The following MICU2 variants were observed in gnomAD, a reference collection of about 807,000 sequenced individuals.
The protein encoded by MICU2 is mitochondrial calcium uptake 2.
In MICU2, 64 loss-of-function variants were observed where a neutral mutation model predicts 60.4. The observed-to-expected ratio is 1.06, with a 90% confidence interval of 0.87 to 1.31. The LOEUF (loss-of-function observed/expected upper bound fraction) is 1.31. MICU2 is among the 50% of genes most tolerant of loss of function. The probability of loss-of-function intolerance (pLI) is 0.00; values close to 1 mark genes in which losing one functional copy is unlikely to be tolerated. For missense variants in MICU2, 569 were observed against 531.0 expected (o/e 1.07, Z -0.70); for synonymous variants, 201 against 175.0 (o/e 1.15, Z -1.17).
chr13:21,542,529 A>G (rs532162180), intron 2 of MICU2, among the ~76,000 whole-genome samples: 1 of 152,268 alleles, frequency 6.6e-6, no homozygotes, highest in South Asian at 2.1e-4. Flanking sequence ...CAGCTATTTG[A>G]TATGTATTCA....
At chr13:21,528,629 TA>T (rs1345905244) in intron 4 of MICU2, among the ~76,000 whole-genome samples, 1 of 152,222 alleles carries the variant, frequency 6.6e-6, no homozygotes, top group East Asian at 1.9e-4. Flanking sequence ...AACAATTTAT[TA>T]AGCATATACC....
At chr13:21,493,659 A>G (rs1264104106) in intron 11 of MICU2, among the ~76,000 whole-genome samples, 3 of 152,032 alleles carry the variant, frequency 2.0e-5, no homozygotes, top group Non-Finnish European at 4.4e-5. Flanking sequence ...TTTAAAATTT[A>G]ATTACTTTAT....
intron 2 of MICU2, among the ~76,000 whole-genome samples, chr13:21,545,894 CTG>C (rs1479638272): frequency 6.6e-6 from 1 of 152,250 alleles, no homozygotes; most frequent in Non-Finnish European, 1.5e-5. Flanking sequence ...AAGGAGGAAA[CTG>C]AATGTTCTCA....
chr13:21,576,470 C>T (rs1261969920), intron 1 of MICU2, among the ~76,000 whole-genome samples: 1 of 152,068 alleles, frequency 6.6e-6, no homozygotes, highest in Non-Finnish European at 1.5e-5. Context: ...GATATTATAT[C>T]CTATAATATA....
intron 1 of MICU2, among the ~76,000 whole-genome samples, chr13:21,580,942 C>T (rs1888334514): frequency 1.3e-5 from 2 of 152,000 alleles, no homozygotes; most frequent in Non-Finnish European, 2.9e-5. Context: ...ACAGGGCTAA[C>T]TGGGTTAGAA....
At chr13:21,575,311 G>A (rs1471384525) in intron 1 of MICU2, among the ~76,000 whole-genome samples, 2 of 151,738 alleles carry the variant, frequency 1.3e-5, no homozygotes, top group Non-Finnish European at 2.9e-5. Flanking sequence ...ATAACTGAAC[G>A]GAATACTCAT....
chr13:21,514,152 T>C (rs1342457929), intron 7 of MICU2, among the ~76,000 whole-genome samples: 1 of 152,218 alleles, frequency 6.6e-6, no homozygotes, highest in Non-Finnish European at 1.5e-5. Flanking sequence ...ACCACACACC[T>C]CTGCCATAAA....
At chr13:21,558,276 C>T (rs9552451) in intron 2 of MICU2, among the ~76,000 whole-genome samples, 34,072 of 151,962 alleles carry the variant, frequency 0.22, 4,738 homozygotes, top group East Asian at 0.66. Flanking sequence ...ATTTGGGCAG[C>T]ACTCTAGTTT....
intron 2 of MICU2, among the ~76,000 whole-genome samples, chr13:21,540,972 T>A (rs1165023119): frequency 3.9e-5 from 6 of 152,164 alleles, no homozygotes; most frequent in Non-Finnish European, 7.4e-5. Context: ...ATTATTTCTA[T>A]GCTTGTCCTA....
At chr13:21,587,296 A>AT (rs959410452) in intron 1 of MICU2, among the ~76,000 whole-genome samples, 1 of 152,228 alleles carries the variant, frequency 6.6e-6, no homozygotes, top group African/African-American at 2.4e-5. Context: ...AAGCCACAAA[A>AT]TTATCTCCCC....
rs1204360970 is a variant in MICU2 at position 21,603,995 on chromosome 13, G to T, written c.154C>A (p.His52Asn). 1.2e-6 allele frequency: 2 copies of T among 1,611,602 alleles called. No homozygotes were observed. The highest frequency in any genetic ancestry group is 1.7e-6 in the Non-Finnish European group (2 of 1,179,498). ...AALAGAGAAW[H>N]HSRVSVAARD... ...GCCGCAACACTGACGCGGCTGTGGT[G>T]CCAGGCCGCTCCTGCTCCTGCCAGG... is the stretch of plus-strand genomic sequence containing the variant. The change falls in exon 1 of 12, where the codon CAC becomes AAC. Residue 52 changes from histidine (H) to asparagine (N), a missense_variant. Transcript: ENST00000382374.
intron 6 of MICU2, among the ~76,000 whole-genome samples, chr13:21,520,668 T>TC (rs200480070): frequency 0.021 from 3,193 of 151,896 alleles, 59 homozygotes; most frequent in Non-Finnish European, 0.036. Context: ...TTGTTTTTTT[T>TC]TTTTAATATT....
intron 4 of MICU2, among the ~76,000 whole-genome samples, chr13:21,529,868 T>C (rs1886944363): frequency 1.3e-5 from 2 of 152,184 alleles, no homozygotes; most frequent in South Asian, 4.1e-4. Context: ...CCAGCTAGAA[T>C]GTGGTACAGT....
chr13:21,596,129 G>A (rs941105291), intron 1 of MICU2, among the ~76,000 whole-genome samples: 3 of 152,158 alleles, frequency 2.0e-5, no homozygotes, highest in Admixed American at 6.5e-5. Flanking sequence ...CATTCTCCAC[G>A]TCTCCTCTTT....
chr13:21,549,903 A>C lies in MICU2; in HGVS notation c.359-10215T>G, dbSNP rs550657478. Among the ~76,000 whole-genome samples the C allele has an allele frequency of 2.1e-4, 32 of 152,330 alleles. 1 individual carries two copies. In the South Asian group the frequency reaches 3.9e-3, roughly 19 times the overall value. Reference sequence around the variant, plus strand: ...TTTTGCTTACAGTTGGCTAATTATTAAGAAGTTAACAGAGGTTTAAGCTGT... The same window carrying C: ...TTTTGCTTACAGTTGGCTAATTATTCAGAAGTTAACAGAGGTTTAAGCTGT... On this transcript the variant is annotated intron_variant, in intron 2 of 11. Transcript: ENST00000382374.
intron 4 of MICU2, among the ~76,000 whole-genome samples, chr13:21,526,113 C>CTTT (rs34999871): frequency 2.1e-4 from 23 of 110,582 alleles, no homozygotes; most frequent in Non-Finnish European, 3.4e-4. Flanking sequence ...AATTAAAATA[C>CTTT]TTTTTTTTTT....
At chr13:21,579,524 T>C (rs1888301965) in intron 1 of MICU2, among the ~76,000 whole-genome samples, 1 of 152,110 alleles carries the variant, frequency 6.6e-6, no homozygotes, top group Non-Finnish European at 1.5e-5. Context: ...GTATTTTTAG[T>C]AGAGAAGTGG....
At chr13:21,580,711 T>A (rs1219823653) in intron 1 of MICU2, among the ~76,000 whole-genome samples, 3 of 151,788 alleles carry the variant, frequency 2.0e-5, no homozygotes, top group Non-Finnish European at 4.4e-5. Context: ...CTTATAACTT[T>A]ATAAAACTTC....
At chr13:21,498,092 G>GA (rs891327150) in intron 9 of MICU2, among the ~76,000 whole-genome samples, 7 of 151,142 alleles carry the variant, frequency 4.6e-5, no homozygotes, top group Admixed American at 3.3e-4. Context: ...TTCCCTGCCT[G>GA]AAAAAAAAAG....
Sources: allele counts gnomAD v4.1 joint callset (sites outside exome capture counted in the v4.1 genomes callset), GRCh38; gene constraint gnomAD v4.1.1; transcripts MANE v1.5; gene names NCBI Gene and HGNC (gene_info 2026-07-23, HGNC 2026-07-21).